The following KDM2A variants were observed in gnomAD, a reference collection of about 807,000 sequenced individuals.
KDM2A encodes the protein lysine demethylase 2A.
KDM2A carries 3 observed loss-of-function variants against 137.3 expected under a neutral mutation model. The observed-to-expected ratio is 0.02, with a 90% CI of 0.01 to 0.06. The LOEUF (loss-of-function observed/expected upper bound fraction) is 0.06. KDM2A is among the 10% of genes least tolerant of loss of function. The pLI is 1.00. For missense variants in KDM2A, 738 were observed against 1,510.6 expected, an observed-to-expected ratio of 0.49 and a Z score of 8.48; for synonymous variants, 512 against 541.5, an observed-to-expected ratio of 0.95 and a Z score of 0.76.
At chr11:67,198,726 CT>C (rs1857546560) in intron 5 of KDM2A, among the ~76,000 whole-genome samples, 1 of 149,802 alleles carries the variant, frequency 6.7e-6, no homozygotes, top group Admixed American at 6.7e-5. Context: ...AAAAAAAAAG[CT>C]TTTCATTATT....
intron 10 of KDM2A, among the ~76,000 whole-genome samples, chr11:67,221,298 G>GTGGAGAAATGTTAACAGT (rs1565411046): frequency 6.6e-6 from 1 of 152,196 alleles, no homozygotes; most frequent in African/African-American, 2.4e-5. Context: ...ATGAGCAGAT[G>GTGGAGAAATGTTAACAGT]TGGAGAAATG....
At chr11:67,199,480 A>G in intron 5 of KDM2A, among the ~76,000 whole-genome samples, 1 of 152,208 alleles carries the variant, frequency 6.6e-6, no homozygotes, top group East Asian at 1.9e-4. Context: ...TGGGGATAAG[A>G]AAGAAAAACA....
chr11:67,142,322 C>G (rs1051124255), intron 2 of KDM2A, among the ~76,000 whole-genome samples: 1 of 149,544 alleles, frequency 6.7e-6, no homozygotes, highest in Admixed American at 6.6e-5. Context: ...CAGGCATGAG[C>G]CACCGCGCCC....
At chr11:67,227,219 G>A (rs191871588) in intron 10 of KDM2A, among the ~76,000 whole-genome samples, 48 of 152,298 alleles carry the variant, frequency 3.2e-4, no homozygotes, top group Admixed American at 3.1e-3. Flanking sequence ...AAAGTATGAG[G>A]CAGGCAAGCT....
At chr11:67,224,628 C>T (rs116225543) in intron 10 of KDM2A, among the ~76,000 whole-genome samples, 2,751 of 150,942 alleles carry the variant, frequency 0.018, 82 homozygotes, top group African/African-American at 0.063. Context: ...CCACCAAGCC[C>T]GGCCAATTTT....
chr11:67,240,100 A>G (rs1472626818), intron 12 of KDM2A: 2 of 1,375,062 alleles, frequency 1.5e-6, no homozygotes, highest in African/African-American at 2.9e-5. Context: ...CATTGTTCGC[A>G]GGCACAGGAA....
intron 5 of KDM2A, among the ~76,000 whole-genome samples, chr11:67,185,331 A>G (rs142296784): frequency 6.6e-6 from 1 of 152,218 alleles, no homozygotes; most frequent in South Asian, 2.1e-4. Context: ...ATAGCTTGCT[A>G]TAGGTTAAAT....
intron 2 of KDM2A, among the ~76,000 whole-genome samples, chr11:67,158,530 A>G (rs1328139752): frequency 6.6e-6 from 1 of 152,212 alleles, no homozygotes; most frequent in Admixed American, 6.5e-5. Flanking sequence ...CCAGCAGTGA[A>G]TGAGAGTTCT....
intron 5 of KDM2A, chr11:67,195,961 C>A: frequency 2.3e-6 from 1 of 437,880 alleles, no homozygotes. Flanking sequence ...ACAATATCTT[C>A]TATCAACTCA....
chr11:67,126,581 G>A (rs911983403), intron 2 of KDM2A, among the ~76,000 whole-genome samples: 5 of 151,826 alleles, frequency 3.3e-5, no homozygotes, highest in Non-Finnish European at 5.9e-5. Context: ...GGTGGCAGGC[G>A]CCTGTAGTCC....
chr11:67,121,922 GAGAT>G (rs1314857813), intron 2 of KDM2A, among the ~76,000 whole-genome samples: 3 of 152,180 alleles, frequency 2.0e-5, no homozygotes, highest in Admixed American at 6.6e-5. Flanking sequence ...AGGAATGTAC[GAGAT>G]AGATCTTGTT....
At chr11:67,142,557 G>GGAGGTT (rs1856132188) in intron 2 of KDM2A, among the ~76,000 whole-genome samples, 1 of 115,332 alleles carries the variant, frequency 8.7e-6, no homozygotes, top group South Asian at 3.0e-4. Context: ...AAGTTGGCCG[G>GGAGGTT]GGGGTTGGGG....
At chr11:67,246,298 G>A (rs941473154) in intron 15 of KDM2A, among the ~76,000 whole-genome samples, 182 bp downstream of exon 15, 8 of 152,146 alleles carry the variant, frequency 5.3e-5, no homozygotes, top group South Asian at 2.1e-4. Context: ...CAGGCACTGC[G>A]TTAGACCCTG....
At position 67,135,442 on chromosome 11, in the gene KDM2A, A is replaced by C. The variant is rs941808275; in HGVS notation, c.42+14084A>C. Reference sequence around the variant, plus strand: ...TGGTGCTGTTGTGAGCAAATGTTAAAATATTTTTAATTGCCCTGTAGCTGA... The same window carrying C: ...TGGTGCTGTTGTGAGCAAATGTTAACATATTTTTAATTGCCCTGTAGCTGA... On this transcript the variant is annotated intron_variant, in intron 2 of 20. Transcript: ENST00000529006. 4.6e-5 allele frequency among the ~76,000 whole-genome samples: 7 copies of C among 152,150 alleles called. No homozygotes were observed. In the South Asian group the frequency reaches 6.2e-4, roughly 13 times the overall value.
intron 2 of KDM2A, among the ~76,000 whole-genome samples, chr11:67,137,057 G>A (rs750690100): frequency 4.6e-5 from 7 of 152,168 alleles, no homozygotes; most frequent in Admixed American, 6.5e-5. Context: ...GTGACTAGGA[G>A]GTAACCAGGC....
At chr11:67,184,945 A>G (rs769491472) in intron 5 of KDM2A, among the ~76,000 whole-genome samples, 3 of 152,216 alleles carry the variant, frequency 2.0e-5, no homozygotes, top group African/African-American at 4.8e-5. Flanking sequence ...CCAATTTTCA[A>G]CAAAAAATCA....
intron 2 of KDM2A, among the ~76,000 whole-genome samples, chr11:67,176,003 A>G (rs1430102934): frequency 6.6e-6 from 1 of 152,196 alleles, no homozygotes; most frequent in Non-Finnish European, 1.5e-5. Flanking sequence ...GCCCTGCACC[A>G]AAAGATACCT....
chr11:67,224,461 CTTTTTTTTT>C (rs35180780), intron 10 of KDM2A, among the ~76,000 whole-genome samples: 9 of 95,166 alleles, frequency 9.5e-5, no homozygotes, highest in South Asian at 7.2e-4. Context: ...TAACCCCTTT[CTTTTTTTTT>C]TTTTTTTTTT....
At chr11:67,213,609 ATTAG>A (rs935406084) in intron 6 of KDM2A, among the ~76,000 whole-genome samples, 9 of 151,980 alleles carry the variant, frequency 5.9e-5, no homozygotes, top group African/African-American at 1.9e-4. Flanking sequence ...AAATACAAAA[ATTAG>A]TTAGGTGCGG....
Sources: gnomAD v4.1 joint callset for allele counts (sites outside exome capture counted in the v4.1 genomes callset) on GRCh38, gnomAD v4.1.1 for gene constraint, MANE v1.5 for transcripts, NCBI Gene and HGNC (gene_info 2026-07-23, HGNC 2026-07-21) for gene names.